The following PRR16 variants were observed in gnomAD, a reference collection of about 807,000 sequenced individuals.
PRR16 encodes the protein proline rich 16, also known as protein Largen.
In PRR16, 6 loss-of-function variants were observed where a neutral mutation model predicts 18.2. That is an observed-to-expected ratio of 0.33 (90% confidence interval 0.18 to 0.65). The LOEUF is 0.65. Among genes scored for constraint, PRR16 ranks in the 30% least tolerant of loss-of-function variants. The pLI, the probability that PRR16 is intolerant of heterozygous loss-of-function variation, is 0.74. For synonymous variants in PRR16, 151 were observed against 147.8 expected (o/e 1.02, Z -0.16); for missense variants, 412 against 376.6 (o/e 1.09, Z -0.78).
chr5:120,524,281 G>A (rs1751281094), intron 1 of PRR16, among the ~76,000 whole-genome samples: 3 of 152,188 alleles, frequency 2.0e-5, no homozygotes, highest in African/African-American at 4.8e-5. Flanking sequence ...AGTTGTAGCC[G>A]AATTACCATT....
the PRR16 span, among the ~76,000 whole-genome samples, chr5:120,702,394 G>A: frequency 4.6e-5 from 7 of 151,962 alleles, no homozygotes; most frequent in East Asian, 1.9e-4. Context: ...GGGACTTGCC[G>A]CTAAGAGTGA....
chr5:120,748,066 C>A, the PRR16 span, among the ~76,000 whole-genome samples: 1 of 152,038 alleles, frequency 6.6e-6, no homozygotes, highest in African/African-American at 2.4e-5. Context: ...ACTATCAGAT[C>A]TCTATTTGGG....
chr5:120,752,297 C>T, the PRR16 span, among the ~76,000 whole-genome samples: 41 of 152,098 alleles, frequency 2.7e-4, 2 homozygotes, highest in African/African-American at 9.9e-4. Context: ...CCAGACGAGA[C>T]CTTGGCATCC....
chr5:120,574,932 C>A (rs1753024954), intron 1 of PRR16, among the ~76,000 whole-genome samples: 2 of 148,840 alleles, frequency 1.3e-5, no homozygotes, highest in South Asian at 2.1e-4. Flanking sequence ...ACAGCAGTCT[C>A]CCCTTATACA....
At chr5:120,628,268 A>T (rs2112833884) in intron 1 of PRR16, among the ~76,000 whole-genome samples, 1 of 152,216 alleles carries the variant, frequency 6.6e-6, no homozygotes, top group Non-Finnish European at 1.5e-5. Context: ...TATGCATGGG[A>T]ACTATGGAAA....
the PRR16 span, among the ~76,000 whole-genome samples, chr5:120,794,237 AAG>A: frequency 6.6e-6 from 1 of 152,102 alleles, no homozygotes; most frequent in African/African-American, 2.4e-5. Context: ...CTATAAGAAA[AAG>A]AGGCTCAAAA....
intron 1 of PRR16, among the ~76,000 whole-genome samples, chr5:120,642,891 C>G (rs1755469686): frequency 6.6e-6 from 1 of 152,116 alleles, no homozygotes; most frequent in Admixed American, 6.6e-5. Flanking sequence ...ATCTGTTTCT[C>G]TAAGACACTT....
At chr5:120,783,769 T>C in the PRR16 span, among the ~76,000 whole-genome samples, 1 of 152,292 alleles carries the variant, frequency 6.6e-6, no homozygotes, top group Middle Eastern at 3.4e-3. Flanking sequence ...TAATTTATTG[T>C]TAACTATAGT....
chr5:120,670,750 A>G (rs1756573887), intron 1 of PRR16, among the ~76,000 whole-genome samples: 1 of 152,172 alleles, frequency 6.6e-6, no homozygotes, highest in African/African-American at 2.4e-5. Context: ...GGTTGAACCA[A>G]ACTTGGTATT....
the PRR16 span, among the ~76,000 whole-genome samples, chr5:120,779,118 G>A: frequency 3.9e-5 from 6 of 151,964 alleles, no homozygotes; most frequent in African/African-American, 7.3e-5. Context: ...ATTAGATTCC[G>A]CAGGGTTTAA....
At chr5:120,466,848 C>T (rs1248385834) in intron 1 of PRR16, among the ~76,000 whole-genome samples, 2 of 152,052 alleles carry the variant, frequency 1.3e-5, no homozygotes, top group Non-Finnish European at 2.9e-5. Flanking sequence ...AAAAATCTCA[C>T]CATGAAACTG....
intron 1 of PRR16, among the ~76,000 whole-genome samples, chr5:120,530,699 T>G (rs768618858): frequency 2.6e-5 from 4 of 152,050 alleles, no homozygotes; most frequent in Non-Finnish European, 4.4e-5. Flanking sequence ...AGGTAAGGTA[T>G]AGGAGATATT....
the PRR16 span, among the ~76,000 whole-genome samples, chr5:120,757,659 CATG>C: frequency 1.3e-5 from 2 of 151,920 alleles, no homozygotes; most frequent in South Asian, 2.1e-4. Flanking sequence ...AACACAGAAT[CATG>C]ATATTCTTCA....
chr5:120,567,062 A>G (rs1455110031), intron 1 of PRR16, among the ~76,000 whole-genome samples: 1 of 152,144 alleles, frequency 6.6e-6, no homozygotes, highest in African/African-American at 2.4e-5. Context: ...CATGTTTATC[A>G]AATCATTTTG....
chr5:120,754,413 C>CTATATAATATATAGTATATAG, the PRR16 span, among the ~76,000 whole-genome samples: 6 of 24,194 alleles, frequency 2.5e-4, no homozygotes, highest in African/African-American at 1.3e-3. Context: ...ATACTATATA[C>CTATATAATATATAGTATATAG]TATATATTAT....
At chr5:120,610,828 A>G (rs1234734871) in intron 1 of PRR16, among the ~76,000 whole-genome samples, 1 of 152,204 alleles carries the variant, frequency 6.6e-6, no homozygotes, top group Non-Finnish European at 1.5e-5. Context: ...TACTGAAAAG[A>G]TACCTGAAAT....
chr5:120,716,276 C>T, the PRR16 span, among the ~76,000 whole-genome samples: 1 of 152,128 alleles, frequency 6.6e-6, no homozygotes, highest in Non-Finnish European at 1.5e-5. Flanking sequence ...CTGATTTTCT[C>T]AGGTAGCAGC....
In PRR16 at chr5:120,676,520, A is replaced by ATGTG. The variant is rs200837100; in HGVS notation, c.160-9433_160-9432insGTGT. ...TTATGTTTATTTTATATATATATAT[A>ATGTG]TATGTGTGTGTGTGTGTGTGTGTGT... On this transcript the variant is annotated intron_variant, in intron 1 of 1. Transcript: ENST00000407149. Among the ~76,000 whole-genome samples, 1,102 of 123,612 alleles carry ATGTG rather than the reference A, an allele frequency of 8.9e-3. 9 individuals carry two copies. The highest frequency in any genetic ancestry group is 0.013 in the Non-Finnish European group (743 of 57,546). 81.1% of individuals were successfully genotyped at this position (123,612 alleles called of 152,430 possible).
At chr5:120,474,494 C>T (rs984799884) in intron 1 of PRR16, among the ~76,000 whole-genome samples, 2 of 152,034 alleles carry the variant, frequency 1.3e-5, no homozygotes, top group African/African-American at 4.8e-5. Flanking sequence ...TTCCATATTA[C>T]TTAATATTGT....
Sources: allele counts gnomAD v4.1 joint callset (sites outside exome capture counted in the v4.1 genomes callset), GRCh38; gene constraint gnomAD v4.1.1; transcripts MANE v1.5; gene names NCBI Gene and HGNC (gene_info 2026-07-23, HGNC 2026-07-21).